The following KIF26A variants were observed in gnomAD, a reference collection of about 807,000 sequenced individuals.
The protein encoded by KIF26A is kinesin family member 26A, also known as kinesin-like protein KIF26A.
A neutral mutation model predicts 126.0 loss-of-function variants in KIF26A; 74 were observed. The observed-to-expected ratio is 0.59, with a 90% CI of 0.49 to 0.71. KIF26A has a LOEUF of 0.71. KIF26A is among the 30% of genes least tolerant of loss of function. KIF26A has a pLI of 0.00. For synonymous variants in KIF26A, 1,445 were observed against 1,232.7 expected, an observed-to-expected ratio of 1.17 and a Z score of -3.61; for missense variants, 2,984 against 2,763.3, an observed-to-expected ratio of 1.08 and a Z score of -1.79.
At chr14:104,155,473 C>G (rs1780176843) in intron 3 of KIF26A, among the ~76,000 whole-genome samples, 1 of 111,552 alleles carries the variant, frequency 9.0e-6, no homozygotes, top group South Asian at 3.3e-4. Flanking sequence ...GCTCCCCTCT[C>G]TCCTGCCTTT....
chr14:104,176,900 T>G lies in KIF26A; in HGVS notation c.4112T>G (p.Leu1371Arg). ...GCCCCACCCACGCGGAAGTCCAGCC[T>G]GGAGCAGAGGAGCAGCCCGGCCTCG... Reference protein sequence around the residue: ...PPAPPTRKSSLEQRSSPASAP... With the variant: ...PPAPPTRKSSREQRSSPASAP... Residue 1371 changes from leucine to arginine, a missense_variant, in exon 12 of 15, where the codon CTG becomes CGG. By Grantham distance (102) the Leu-to-Arg change is moderately radical. Transcript: ENST00000423312. 6.6e-7 allele frequency: 1 copy of G among 1,518,556 alleles called. No homozygotes were observed. Among genetic ancestry groups the G allele is most frequent in the Non-Finnish European group, 8.8e-7 (1 of 1,131,524 alleles). 94.1% of individuals were successfully genotyped at this position (1,518,556 alleles called of 1,614,324 possible). A position where few individuals can be genotyped will look rare whatever the true frequency, so the allele number is the denominator to read the frequency against.
intron 6 of KIF26A, 21 bp downstream of exon 6, chr14:104,171,956 C>T (rs374018343): frequency 1.4e-4 from 214 of 1,543,540 alleles, no homozygotes; most frequent in Non-Finnish European, 1.7e-4. Context: ...GCGGACTGGG[C>T]GTCCTCCCGG....
In KIF26A at chr14:104,173,141, A is replaced by G. The variant is rs1322682579; in HGVS notation, c.1585A>G (p.Ser529Gly). 4 of 1,610,224 alleles carry G rather than the reference A, an allele frequency of 2.5e-6. No homozygotes were observed. Among genetic ancestry groups the G allele is most frequent in the African/African-American group, 1.3e-5 (1 of 74,862 alleles). Residue 529 changes from serine to glycine, a missense_variant, in exon 8 of 15, where the codon AGC becomes GGC. By Grantham distance (56) the Ser-to-Gly change is moderately conservative (BLOSUM62 0). Coordinates refer to ENST00000423312, the MANE Select transcript of KIF26A (RefSeq NM_015656.2). ...CGTGGAGGTGTGCGGGCGCGACCAG[A>G]GCCTGCGGGACCTGCTGGCCGAGGT... The part of the protein sequence containing the change: ...SAVEVCGRDQ[S>G]LRDLLAEVAP...
At chr14:104,157,985 C>T in intron 4 of KIF26A, 43 bp downstream of exon 4, 1 of 1,458,020 alleles carries the variant, frequency 6.9e-7, no homozygotes, top group South Asian at 1.5e-5. Flanking sequence ...GGCAGGGCCC[C>T]ATGGCCCCGG....
rs370956279 is a variant in KIF26A at position 104,143,898 on chromosome 14, C to T, written c.288+4610C>T. On this transcript the variant is annotated intron_variant, in intron 2 of 14. Transcript: ENST00000423312. ...CAGCCTGGGGAGGTGTGAGGGGGCA[C>T]GGCTCCCTGGCTGGCAGGCGGGGCA... Among the ~76,000 whole-genome samples, 20 of 152,306 alleles carry T rather than the reference C, an allele frequency of 1.3e-4. 1 individual carries two copies. In the South Asian group the frequency reaches 4.1e-3, roughly 32 times the overall value.
At chr14:104,170,989 G>A (rs2037951178) in intron 5 of KIF26A, among the ~76,000 whole-genome samples, 1 of 152,244 alleles carries the variant, frequency 6.6e-6, no homozygotes. Flanking sequence ...CGGGAGGTCA[G>A]TCTGGAAGCC....
At chr14:104,166,732 T>C (rs1269640750) in intron 4 of KIF26A, 127 bp from the exon 5 acceptor site, 2 of 911,428 alleles carry the variant, frequency 2.2e-6, no homozygotes, top group Non-Finnish European at 3.2e-6. Context: ...AGCCACATTT[T>C]GGACTGGGTT....
chr14:104,174,546 TGTG>T (rs2037995858), intron 11 of KIF26A, among the ~76,000 whole-genome samples: 1 of 152,108 alleles, frequency 6.6e-6, no homozygotes, highest in African/African-American at 2.4e-5. Context: ...GTATGTGGCT[TGTG>T]GTGGCCTCAC....
At chr14:104,173,281 A>G in intron 8 of KIF26A, 42 bp downstream of exon 8, 2 of 1,601,822 alleles carry the variant, frequency 1.2e-6, no homozygotes, top group Non-Finnish European at 1.7e-6. Context: ...GGGGGGCTGC[A>G]CTTGGCCCTG....
chr14:104,152,700 C>G lies in KIF26A; in HGVS notation c.735+239C>G, dbSNP rs1219110018. On this transcript the variant is annotated intron_variant, in intron 3 of 14. Coordinates refer to ENST00000423312, the MANE Select transcript of KIF26A (RefSeq NM_015656.2). This position sits in a 1 kb window ranked among gnomAD's most constrained non-coding sequence, Gnocchi z 5.9. ...GGAATACCTTCTCTGGGAGCACGTG[C>G]CCCTCCCTGTCTGTCTTTTGAGACT... Among the ~76,000 whole-genome samples, 1 of 152,210 alleles carries G rather than the reference C, an allele frequency of 6.6e-6. No individual in the cohort carries two copies. Among genetic ancestry groups the G allele is most frequent in the African/African-American group, 2.4e-5 (1 of 41,456 alleles).
At chr14:104,140,446 C>G (rs947005) in intron 2 of KIF26A, among the ~76,000 whole-genome samples, 2,650 of 152,284 alleles carry the variant, frequency 0.017, 67 homozygotes, top group African/African-American at 0.061. Context: ...GAGGGCCAGC[C>G]AGAGCTAAAG....
Position 104,139,229 on chromosome 14 carries a change from C to A in KIF26A, c.229C>A (p.Leu77Met). Residue 77 changes from leucine to methionine, a missense_variant, in exon 2 of 15, where the codon CTG becomes ATG. Transcript: ENST00000423312. ...GGWCRHCHTK[L>M]VELKRQAWKL... ...CTGGTGCCGCCACTGCCACACGAAG[C>A]TGGTGGAGCTCAAGCGACAGGCGTG... The A allele has an allele frequency of 6.4e-7, 1 of 1,557,780 alleles. No homozygotes were observed. The highest frequency in any genetic ancestry group is 8.7e-7 in the Non-Finnish European group (1 of 1,153,128).
At chr14:104,141,312 T>G (rs1051156451) in intron 2 of KIF26A, among the ~76,000 whole-genome samples, 2 of 152,244 alleles carry the variant, frequency 1.3e-5, no homozygotes. Flanking sequence ...GTTGGTGTTC[T>G]AGGATTTCCC....
rs1566865060 is a variant in KIF26A at position 104,175,258 on chromosome 14, C to A, written c.2470C>A (p.His824Asn). 6.2e-7 allele frequency: 1 copy of A among 1,607,336 alleles called. No homozygotes were observed. ...GCCCATCATCCCTGCCCTGAGCCGCCACCGGCCCTCCAAGGGTCCCCGAGA... is the reference window on the plus strand; with the variant it reads ...GCCCATCATCCCTGCCCTGAGCCGCAACCGGCCCTCCAAGGGTCCCCGAGA... The part of the protein sequence containing the change: ...FVPIIPALSR[H>N]RPSKGPRDAD... The change falls in exon 12 of 15, where the codon CAC becomes AAC. Residue 824 changes from histidine to asparagine, a missense_variant. Transcript: ENST00000423312.
At chr14:104,160,080 T>G (rs2037819430) in intron 4 of KIF26A, among the ~76,000 whole-genome samples, 1 of 152,116 alleles carries the variant, frequency 6.6e-6, no homozygotes, top group African/African-American at 2.4e-5. Context: ...TGCTCTGCCC[T>G]TGGGAAGTTT....
chr14:104,173,665 G>A, intron 9 of KIF26A, 41 bp from the exon 10 acceptor site: 2 of 1,601,264 alleles, frequency 1.2e-6, no homozygotes, highest in South Asian at 1.1e-5. Flanking sequence ...GGATCTGGGG[G>A]CCCCTGGCTA....
At chr14:104,147,762 T>G (rs1430553585) in intron 2 of KIF26A, among the ~76,000 whole-genome samples, 1 of 152,264 alleles carries the variant, frequency 6.6e-6, no homozygotes, top group East Asian at 1.9e-4. Context: ...ACGCTTTGTT[T>G]GGGAAGGAAA....
chr14:104,174,297 G>A lies in KIF26A; in HGVS notation c.2180G>A (p.Arg727Lys). ...GCCGCCCGCATCCACCGCCTGCGCAGGAAGAAGGCCAAGGTGCTCCCCACC... is the reference window on the plus strand; with the variant it reads ...GCCGCCCGCATCCACCGCCTGCGCAAGAAGAAGGCCAAGGTGCTCCCCACC... The part of the protein sequence containing the change: ...QLAARIHRLR[R>K]KKAKYASSSS... Residue 727 changes from arginine to lysine, a missense_variant, in exon 11 of 15, where the codon AGG becomes AAG. Physicochemically the swap from Arg to Lys is conservative, Grantham distance 26 (BLOSUM62 2). Coordinates refer to ENST00000423312, the MANE Select transcript of KIF26A (RefSeq NM_015656.2). 1 of 1,549,496 alleles carries A rather than the reference G, an allele frequency of 6.5e-7. No individual in the cohort carries two copies. Among genetic ancestry groups the A allele is most frequent in the East Asian group, 2.4e-5 (1 of 41,116 alleles).
rs1397783072 is a variant in KIF26A at position 104,138,630 on chromosome 14, G to T, written c.-93G>T. 2 of 1,032,512 alleles carry T rather than the reference G, an allele frequency of 1.9e-6. No individual in the cohort carries two copies. The highest frequency in any genetic ancestry group is 2.5e-6 in the Non-Finnish European group (2 of 815,798). 64.0% of individuals were successfully genotyped at this position (1,032,512 alleles called of 1,614,324 possible). A position where few individuals can be genotyped will look rare whatever the true frequency, so the allele number is the denominator to read the frequency against. ...CTTCCGAGCGGCTGGGCCGGGCCAT[G>T]GGGGCGCCTCGGGGCCGGATCACGT... On this transcript the variant is annotated 5_prime_UTR_variant, in exon 1 of 15. It removes an upstream start codon present in the reference 5' UTR. Coordinates refer to ENST00000423312, the MANE Select transcript of KIF26A (RefSeq NM_015656.2).
Sources: allele counts gnomAD v4.1 joint callset (sites outside exome capture counted in the v4.1 genomes callset), GRCh38; gene constraint gnomAD v4.1.1; non-coding constraint Gnocchi (gnomAD v3.1); transcripts MANE v1.5; gene names NCBI Gene and HGNC (gene_info 2026-07-23, HGNC 2026-07-21).